Variants in PHF21A observed in about 807,000 individuals in gnomAD.
PHF21A encodes the protein PHD finger protein 21A, also known as BHC80a.
A neutral mutation model predicts 82.5 loss-of-function variants in PHF21A; 11 were observed. The observed-to-expected ratio is 0.13, with a 90% confidence interval of 0.08 to 0.22. PHF21A has a LOEUF of 0.22. Ranked by LOEUF, PHF21A falls within the 10% of genes least tolerant of loss-of-function variation. The probability of loss-of-function intolerance (pLI) is 1.00; values close to 1 mark genes in which losing one functional copy is unlikely to be tolerated. For missense variants in PHF21A, 579 were observed against 837.8 expected, an observed-to-expected ratio of 0.69 and a Z score of 3.81; for synonymous variants, 297 against 302.8, an observed-to-expected ratio of 0.98 and a Z score of 0.20.
intron 6 of PHF21A, among the ~76,000 whole-genome samples, chr11:45,992,161 C>T (rs552006794): frequency 6.6e-6 from 1 of 152,122 alleles, no homozygotes; most frequent in East Asian, 1.9e-4. Context: ...AGCCCATGGG[C>T]CACCAGTTTT....
intron 6 of PHF21A, among the ~76,000 whole-genome samples, chr11:45,981,649 T>C (rs1298469758): frequency 6.6e-6 from 1 of 152,034 alleles, no homozygotes; most frequent in Admixed American, 6.5e-5. Flanking sequence ...TAAAAATAGA[T>C]TGTGATTTTC....
At position 46,121,181 on chromosome 11, in the gene PHF21A, A is replaced by ACT. The variant is rs60788619; in HGVS notation, c.-485_-484dup. On this transcript the variant is annotated 5_prime_UTR_variant, in exon 1 of 19. Coordinates refer to ENST00000676320, the MANE Select transcript of PHF21A (RefSeq NM_001352027.3). ...CTCTCCTCTCCTCTCTCTCTCACTC[A>ACT]CTCTCTCTCTCTCTCTCTCTCTGGG... 11,486 of 126,086 alleles carry ACT rather than the reference A, an allele frequency of 0.091. 719 individuals carry two copies. The highest frequency in any genetic ancestry group is 0.18 in the African/African-American group (5,805 of 31,648). The allele number at this position is 126,086 out of a possible 1,614,324, so 7.8% of individuals were successfully genotyped here.
intron 1 of PHF21A, among the ~76,000 whole-genome samples, chr11:46,093,786 T>C (rs1166420391): frequency 6.6e-6 from 1 of 152,232 alleles, no homozygotes; most frequent in Non-Finnish European, 1.5e-5. Flanking sequence ...CTATTAGGGC[T>C]TTCATGTTAG....
At chr11:45,950,481 C>T (rs747948585) in intron 11 of PHF21A, among the ~76,000 whole-genome samples, 4 of 151,598 alleles carry the variant, frequency 2.6e-5, no homozygotes, top group Non-Finnish European at 5.9e-5. Flanking sequence ...AGAATTGTCT[C>T]GAGCCACACA....
At chr11:45,989,567 G>C (rs1042029133) in intron 6 of PHF21A, among the ~76,000 whole-genome samples, 4 of 151,570 alleles carry the variant, frequency 2.6e-5, no homozygotes, top group Non-Finnish European at 5.9e-5. Flanking sequence ...TACTCGGGAG[G>C]CTGAGGCAGG....
intron 18 of PHF21A, chr11:45,935,214 G>A: frequency 7.7e-7 from 1 of 1,292,636 alleles, no homozygotes; most frequent in Non-Finnish European, 1.0e-6. Flanking sequence ...GAGCGAGGGA[G>A]GGCCGTACGG....
intron 6 of PHF21A, among the ~76,000 whole-genome samples, chr11:46,006,081 TA>T (rs1340898834): frequency 2.0e-5 from 3 of 152,182 alleles, no homozygotes; most frequent in African/African-American, 7.2e-5. Flanking sequence ...AAGAGAGAAT[TA>T]AAGAATTAGG....
chr11:46,063,491 G>C (rs1291479668), intron 6 of PHF21A, among the ~76,000 whole-genome samples: 1 of 152,206 alleles, frequency 6.6e-6, no homozygotes, highest in Non-Finnish European at 1.5e-5. Context: ...AATGTAAAGA[G>C]TGTGATTGTG....
chr11:46,114,675 T>TA (rs1197089753), intron 1 of PHF21A, among the ~76,000 whole-genome samples: 18 of 151,862 alleles, frequency 1.2e-4, no homozygotes, highest in Admixed American at 3.9e-4. Context: ...ATTTAAAATT[T>TA]AAAAAAAACA....
chr11:46,034,227 C>G (rs956955463), intron 6 of PHF21A, among the ~76,000 whole-genome samples: 7 of 151,748 alleles, frequency 4.6e-5, no homozygotes, highest in Non-Finnish European at 7.4e-5. Flanking sequence ...CCCCACCCCC[C>G]CCTTGCATAC....
intron 1 of PHF21A, among the ~76,000 whole-genome samples, chr11:46,097,150 G>C (rs1437495051): frequency 2.0e-5 from 3 of 151,870 alleles, no homozygotes; most frequent in Admixed American, 6.6e-5. Context: ...CTCCTAACTG[G>C]CCTCCCCAAT....
At chr11:46,099,523 GACACACACACACACACACAC>G (rs71038882) in intron 1 of PHF21A, among the ~76,000 whole-genome samples, 3 of 137,592 alleles carry the variant, frequency 2.2e-5, no homozygotes, top group Non-Finnish European at 3.1e-5. Flanking sequence ...AGAAAAATTA[GACACACACACACACACACAC>G]ACACACACAC....
chr11:45,948,906 T>G lies in PHF21A; in HGVS notation c.1268A>C (p.His423Pro), dbSNP rs1183212206. The G allele has an allele frequency of 6.2e-7, 1 of 1,613,932 alleles. No individual in the cohort carries two copies. Among genetic ancestry groups the G allele is most frequent in the Non-Finnish European group, 8.5e-7 (1 of 1,179,906 alleles). ...CTCACCTCTCTTCCGGGTCCCAGGG[T>G]GCATTGTGCTGTTTAGGTATGTCAC... ...SAVTYLNSTM[H>P]PGTRKRGRPP... is the part of the protein sequence containing the mutation. Residue 423 changes from histidine to proline, a missense_variant, in exon 14 of 19, where the codon CAC becomes CCC. Transcript: ENST00000676320.
At chr11:45,967,750 G>A (rs988634737) in intron 9 of PHF21A, among the ~76,000 whole-genome samples, 4 of 152,130 alleles carry the variant, frequency 2.6e-5, no homozygotes, top group African/African-American at 7.2e-5. Flanking sequence ...AAGTCTTGTC[G>A]GTATGAATGT....
intron 6 of PHF21A, among the ~76,000 whole-genome samples, chr11:46,075,971 A>G (rs935230689): frequency 6.6e-6 from 1 of 152,206 alleles, no homozygotes; most frequent in African/African-American, 2.4e-5. Context: ...TCTTTTGATT[A>G]ATATATTCAC....
rs2097023563 is a variant in PHF21A at position 46,097,834 on chromosome 11, C to T, written c.-236-5611G>A. Among the ~76,000 whole-genome samples, 3 of 152,140 alleles carry T rather than the reference C, an allele frequency of 2.0e-5. No individual in the cohort carries two copies. In the South Asian group the frequency reaches 6.2e-4, roughly 32 times the overall value. ...GACATCTCCCTAACTAGAACACACA[C>T]ACACACATACACAAAAGAATAGAAT... On this transcript the variant is annotated intron_variant, in intron 1 of 18. Coordinates refer to ENST00000676320, the MANE Select transcript of PHF21A (RefSeq NM_001352027.3).
intron 6 of PHF21A, among the ~76,000 whole-genome samples, chr11:46,033,913 C>T (rs975596192): frequency 2.6e-5 from 4 of 152,176 alleles, no homozygotes; most frequent in Non-Finnish European, 5.9e-5. Context: ...ATAAAGTATA[C>T]ACATCTTCAA....
intron 6 of PHF21A, among the ~76,000 whole-genome samples, chr11:46,047,475 G>T (rs1314460748): frequency 6.6e-6 from 1 of 151,958 alleles, no homozygotes; most frequent in African/African-American, 2.4e-5. Context: ...TCTGGATAAA[G>T]AAACCGAGAC....
At chr11:46,047,722 C>A (rs2096277485) in intron 6 of PHF21A, among the ~76,000 whole-genome samples, 1 of 152,220 alleles carries the variant, frequency 6.6e-6, no homozygotes, top group African/African-American at 2.4e-5. Flanking sequence ...TCTACCATTT[C>A]TTGGTTGTGT....
Sources: gnomAD v4.1 joint callset for allele counts (sites outside exome capture counted in the v4.1 genomes callset) on GRCh38, gnomAD v4.1.1 for gene constraint, MANE v1.5 for transcripts, NCBI Gene and HGNC (gene_info 2026-07-23, HGNC 2026-07-21) for gene names.